The following EDNRB variants were observed in gnomAD, a reference collection of about 807,000 sequenced individuals.
The protein encoded by EDNRB is endothelin receptor type B, also known as Hirschsprung disease 2.
In EDNRB, 18 loss-of-function variants were observed where a neutral mutation model predicts 46.4. The ratio of observed to expected loss-of-function variants is 0.39; its 90% CI spans 0.27 to 0.57. EDNRB has a LOEUF of 0.57. Ranked by LOEUF, EDNRB falls within the 20% of genes least tolerant of loss-of-function variation. The probability of loss-of-function intolerance (pLI) is 0.61; values close to 1 mark genes in which losing one functional copy is unlikely to be tolerated. For missense variants in EDNRB, 434 were observed against 537.5 expected, an observed-to-expected ratio of 0.81 and a Z score of 1.90; for synonymous variants, 213 against 204.9, an observed-to-expected ratio of 1.04 and a Z score of -0.34.
chr13:77,975,242 G>C (rs1168303718), intron 1 of EDNRB: 1 of 152,344 alleles, frequency 6.6e-6, no homozygotes, highest in African/African-American at 2.4e-5. Context: ...TTCAAACCAA[G>C]TCAAAACCAA....
At chr13:77,936,811 G>A (rs1880579347) in intron 1 of EDNRB, among the ~76,000 whole-genome samples, 1 of 152,228 alleles carries the variant, frequency 6.6e-6, no homozygotes, top group Non-Finnish European at 1.5e-5. Flanking sequence ...AAGTCTTGTA[G>A]GAATGCTTGA....
intron 1 of EDNRB, among the ~76,000 whole-genome samples, chr13:77,946,678 T>G (rs1441923312): frequency 6.6e-6 from 1 of 152,180 alleles, no homozygotes; most frequent in East Asian, 1.9e-4. Context: ...GAGAGACTGA[T>G]CCACAAAGCA....
intron 1 of EDNRB, among the ~76,000 whole-genome samples, chr13:77,949,496 C>T (rs961543093): frequency 1.3e-5 from 2 of 152,174 alleles, no homozygotes; most frequent in African/African-American, 4.8e-5. Flanking sequence ...CTTGCTTTCT[C>T]CTGCACCTTT....
intron 6 of EDNRB, among the ~76,000 whole-genome samples, chr13:77,898,955 A>G (rs1375946694): frequency 2.0e-5 from 3 of 151,930 alleles, no homozygotes; most frequent in Non-Finnish European, 4.4e-5. Flanking sequence ...GGTAAACAAT[A>G]AGGTTATATA....
At chr13:77,925,887 C>G (rs1230546386) in intron 1 of EDNRB, among the ~76,000 whole-genome samples, 2 of 152,220 alleles carry the variant, frequency 1.3e-5, no homozygotes. Context: ...AGAGGCGAGG[C>G]TGTACCCTGC....
At chr13:77,921,809 G>A (rs1880094312), upstream of EDNRB, among the ~76,000 whole-genome samples, 1 of 152,142 alleles carries the variant, frequency 6.6e-6, no homozygotes, top group Non-Finnish European at 1.5e-5. Flanking sequence ...GTTACTTCTT[G>A]CTCCAATAAA....
At position 77,896,760 on chromosome 13, in the gene EDNRB, C is replaced by T; in HGVS notation, c.*1440G>A. On this transcript the variant is annotated 3_prime_UTR_variant, in exon 7 of 7. Coordinates refer to ENST00000646607, the MANE Select transcript of EDNRB (RefSeq NM_001122659.3). ...GGAATCTGTCCCCATGGGTTTCCTC[C>T]AACCCCACCTCATTTCCTCTCTCTT... 7.4e-7 allele frequency: 1 copy of T among 1,349,308 alleles called. No homozygotes were observed. 83.6% of individuals were successfully genotyped at this position (1,349,308 alleles called of 1,614,324 possible).
At chr13:77,933,569 T>C (rs1286944351) in intron 1 of EDNRB, among the ~76,000 whole-genome samples, 1 of 152,192 alleles carries the variant, frequency 6.6e-6, no homozygotes, top group Non-Finnish European at 1.5e-5. Flanking sequence ...GAACTGGCCA[T>C]CTGGATGTGT....
upstream of EDNRB, among the ~76,000 whole-genome samples, chr13:77,921,922 C>T (rs1880096804): frequency 6.6e-6 from 1 of 152,096 alleles, no homozygotes; most frequent in African/African-American, 2.4e-5. Flanking sequence ...TTTCATTACT[C>T]ATGCCTTGAG....
intron 1 of EDNRB, among the ~76,000 whole-genome samples, chr13:77,908,401 G>T (rs926708456): frequency 2.8e-5 from 4 of 142,080 alleles, no homozygotes; most frequent in African/African-American, 1.1e-4. Context: ...GGTATCCCTG[G>T]TGGGGAAAAA....
chr13:77,915,728 G>A (rs1429740220), intron 1 of EDNRB, among the ~76,000 whole-genome samples: 1 of 152,180 alleles, frequency 6.6e-6, no homozygotes, highest in Non-Finnish European at 1.5e-5. Flanking sequence ...AAGGCCACAA[G>A]GTAGGATTCA....
chr13:77,928,725 G>A (rs972715522), intron 1 of EDNRB, among the ~76,000 whole-genome samples: 1 of 152,132 alleles, frequency 6.6e-6, no homozygotes, highest in Admixed American at 6.5e-5. Context: ...TGAGAACAAT[G>A]CTATTCTTAC....
rs926112301 is a variant in EDNRB, at chr13:77,937,957, C to T, written c.-51-19333G>A. 4.9e-4 allele frequency among the ~76,000 whole-genome samples: 74 copies of T among 152,024 alleles called. 2 individuals carry two copies. The highest frequency in any genetic ancestry group is 1.2e-3 in the African/African-American group (50 of 41,384). ...GCATTTCGACTGTTTGCACATTTTA[C>T]GACAAGAATTATTTAGATCTTGTAG... On this transcript the variant is annotated intron_variant, in intron 1 of 7. Coordinates refer to the EDNRB transcript ENST00000646948.
chr13:77,953,373 T>A (rs971815547), intron 1 of EDNRB, among the ~76,000 whole-genome samples: 4 of 151,146 alleles, frequency 2.6e-5, no homozygotes, highest in African/African-American at 9.7e-5. Context: ...AATATAAATA[T>A]ATATATATAT....
intron 1 of EDNRB, among the ~76,000 whole-genome samples, chr13:77,967,160 T>C (rs1265460401): frequency 6.6e-6 from 1 of 152,192 alleles, no homozygotes; most frequent in Non-Finnish European, 1.5e-5. Context: ...ATTTTGGAGT[T>C]TGACACACAA....
chr13:77,917,992 G>T, intron 1 of EDNRB, 99 bp downstream of exon 1: 2 of 1,575,180 alleles, frequency 1.3e-6, no homozygotes, highest in Non-Finnish European at 1.7e-6. Context: ...CCTTAAGAGG[G>T]AGCTAAAGGG....
chr13:77,933,967 C>T (rs550686513), intron 1 of EDNRB, among the ~76,000 whole-genome samples: 1 of 152,046 alleles, frequency 6.6e-6, no homozygotes, highest in Admixed American at 6.6e-5. Flanking sequence ...ATTGGGAGGA[C>T]CCAGGACATC....
chr13:77,974,837 T>A (rs981223593), intron 1 of EDNRB, among the ~76,000 whole-genome samples: 1 of 152,156 alleles, frequency 6.6e-6, no homozygotes, highest in Non-Finnish European at 1.5e-5. Flanking sequence ...CAGTCTATTT[T>A]ACATAAAGTT....
At chr13:77,953,650 G>T (rs951765471) in intron 1 of EDNRB, among the ~76,000 whole-genome samples, 4 of 152,154 alleles carry the variant, frequency 2.6e-5, no homozygotes, top group African/African-American at 9.7e-5. Flanking sequence ...GAATACCCTT[G>T]AATAGCATAT....
Sources: allele counts gnomAD v4.1 joint callset (sites outside exome capture counted in the v4.1 genomes callset), GRCh38; gene constraint gnomAD v4.1.1; transcripts MANE v1.5; gene names NCBI Gene and HGNC (gene_info 2026-07-23, HGNC 2026-07-21).